Variants in SYT1 observed in about 807,000 individuals in gnomAD.
The protein encoded by SYT1 is synaptotagmin 1.
SYT1 carries 8 observed loss-of-function variants against 44.8 expected under a neutral mutation model. The ratio of observed to expected loss-of-function variants is 0.18; its 90% CI spans 0.10 to 0.32. The LOEUF (loss-of-function observed/expected upper bound fraction) is 0.32. Ranked by LOEUF, SYT1 falls within the 10% of genes least tolerant of loss-of-function variation. SYT1 has a pLI of 1.00. For missense variants in SYT1, 286 were observed against 509.3 expected, an observed-to-expected ratio of 0.56 and a Z score of 4.22; for synonymous variants, 154 against 188.8, an observed-to-expected ratio of 0.82 and a Z score of 1.51.
At chr12:79,442,271 A>G (rs1408428363) in intron 9 of SYT1, among the ~76,000 whole-genome samples, 1 of 152,198 alleles carries the variant, frequency 6.6e-6, no homozygotes, top group African/African-American at 2.4e-5. Flanking sequence ...AACTTTACAA[A>G]ACACACAAGG....
At chr12:79,115,678 A>G (rs886329345) in intron 3 of SYT1, among the ~76,000 whole-genome samples, 2 of 152,202 alleles carry the variant, frequency 1.3e-5, no homozygotes, top group Admixed American at 6.5e-5. Context: ...CACAGCTTTC[A>G]CCACTGATAT....
intron 1 of SYT1, among the ~76,000 whole-genome samples, chr12:78,932,217 G>T (rs571491854): frequency 2.6e-5 from 4 of 152,098 alleles, no homozygotes; most frequent in African/African-American, 7.2e-5. Context: ...GTTTGGTTTT[G>T]TTTAATTAAT....
intron 2 of SYT1, among the ~76,000 whole-genome samples, chr12:78,994,493 T>G (rs1249097995): frequency 6.6e-6 from 1 of 151,438 alleles, no homozygotes; most frequent in Non-Finnish European, 1.5e-5. Context: ...CTCCTTTTTT[T>G]TTTTTTTCTT....
chr12:79,200,575 T>A (rs1174864320), intron 3 of SYT1, among the ~76,000 whole-genome samples: 1 of 152,024 alleles, frequency 6.6e-6, no homozygotes, highest in Non-Finnish European at 1.5e-5. Flanking sequence ...CCCAGAAAAA[T>A]TCCTCCTTTA....
Position 79,031,165 on chromosome 12 carries a change from A to G in SYT1, c.-83-16132A>G, listed in dbSNP as rs570041890. Among the ~76,000 whole-genome samples the G allele has an allele frequency of 4.0e-5, 6 of 151,312 alleles. No individual in the cohort carries two copies. In the South Asian group the frequency reaches 1.2e-3, roughly 31 times the overall value. On this transcript the variant is annotated intron_variant, in intron 2 of 10. Coordinates refer to ENST00000261205, the MANE Select transcript of SYT1 (RefSeq NM_005639.3). Reference sequence around the variant, plus strand: ...TACTAGTTGAAATAATCATCAAAATAGTATTGATTATACTGATATTAACTA... The same window carrying G: ...TACTAGTTGAAATAATCATCAAAATGGTATTGATTATACTGATATTAACTA...
chr12:79,267,947 C>A (rs1878219075), intron 4 of SYT1, among the ~76,000 whole-genome samples: 1 of 152,188 alleles, frequency 6.6e-6, no homozygotes, highest in African/African-American at 2.4e-5. Context: ...TTATTATAGG[C>A]ATTTTATAAA....
intron 4 of SYT1, among the ~76,000 whole-genome samples, chr12:79,223,004 T>A (rs1327900217): frequency 6.6e-6 from 1 of 152,206 alleles, no homozygotes; most frequent in African/African-American, 2.4e-5. Context: ...CTATTAAATG[T>A]CTTATTCTGG....
intron 3 of SYT1, among the ~76,000 whole-genome samples, chr12:79,167,584 G>A (rs1871291149): frequency 6.6e-6 from 1 of 151,962 alleles, no homozygotes; most frequent in African/African-American, 2.4e-5. Context: ...ATGTATTACT[G>A]AAACTTATTA....
At chr12:79,033,418 A>T (rs1462111162) in intron 2 of SYT1, among the ~76,000 whole-genome samples, 1 of 151,436 alleles carries the variant, frequency 6.6e-6, no homozygotes, top group East Asian at 1.9e-4. Context: ...ACATTACTTT[A>T]AAAACATCTT....
At chr12:79,047,071 TA>T (rs1874123118) in intron 2 of SYT1, among the ~76,000 whole-genome samples, 1 of 151,880 alleles carries the variant, frequency 6.6e-6, no homozygotes, top group South Asian at 2.1e-4. Context: ...AATCAGTATA[TA>T]AACTATCCAC....
chr12:79,391,565 T>A (rs1330614355), intron 9 of SYT1, among the ~76,000 whole-genome samples: 3 of 152,208 alleles, frequency 2.0e-5, no homozygotes, highest in Non-Finnish European at 4.4e-5. Context: ...ATTAGGAAGA[T>A]GGCGAAGAGC....
At chr12:79,020,522 TA>T (rs1358875663) in intron 2 of SYT1, among the ~76,000 whole-genome samples, 26 of 152,124 alleles carry the variant, frequency 1.7e-4, no homozygotes, top group East Asian at 3.9e-4. Flanking sequence ...GAAACCAATA[TA>T]AACAACAACA....
intron 1 of SYT1, among the ~76,000 whole-genome samples, chr12:78,947,369 T>A (rs1435047389): frequency 6.6e-6 from 1 of 152,016 alleles, no homozygotes; most frequent in Non-Finnish European, 1.5e-5. Flanking sequence ...TATGTGCGCA[T>A]CGTGACCTAG....
chr12:79,351,227 C>G lies in SYT1; in HGVS notation c.811-2275C>G, dbSNP rs140671758. On this transcript the variant is annotated intron_variant, in intron 8 of 10. Coordinates refer to ENST00000261205, the MANE Select transcript of SYT1 (RefSeq NM_005639.3). Reference sequence around the variant, plus strand: ...CAGATTTCTCCTGCTTCCGAGCATGCTTTTTCAAACTGTACAAATACTCTC... The same window carrying G: ...CAGATTTCTCCTGCTTCCGAGCATGGTTTTTCAAACTGTACAAATACTCTC... Among the ~76,000 whole-genome samples the G allele has an allele frequency of 7.3e-3, 1,109 of 152,232 alleles. 16 individuals are homozygous for G. Among genetic ancestry groups the G allele is most frequent in the South Asian group, 0.053 (255 of 4,816 alleles).
At chr12:79,189,160 G>A (rs1041853397) in intron 3 of SYT1, among the ~76,000 whole-genome samples, 3 of 152,068 alleles carry the variant, frequency 2.0e-5, no homozygotes, top group Non-Finnish European at 4.4e-5. Flanking sequence ...AATGTTATTT[G>A]CCTCCTCTAA....
intron 8 of SYT1, among the ~76,000 whole-genome samples, chr12:79,352,928 T>A (rs914404057): frequency 6.6e-6 from 1 of 152,220 alleles, no homozygotes; most frequent in Admixed American, 6.5e-5. Flanking sequence ...TCACTTAAGA[T>A]GAGTAATACT....
chr12:79,050,624 G>A (rs1874407271), intron 3 of SYT1, among the ~76,000 whole-genome samples: 1 of 151,900 alleles, frequency 6.6e-6, no homozygotes. Flanking sequence ...ATAAAACTGG[G>A]AGTTGATACA....
At chr12:79,088,027 C>T (rs1343032503) in intron 3 of SYT1, among the ~76,000 whole-genome samples, 2 of 152,074 alleles carry the variant, frequency 1.3e-5, no homozygotes, top group Non-Finnish European at 2.9e-5. Context: ...TGCCTACTGC[C>T]TCTCTGTGCC....
At chr12:78,898,209 C>A (rs1237582832) in intron 1 of SYT1, among the ~76,000 whole-genome samples, 1 of 152,030 alleles carries the variant, frequency 6.6e-6, no homozygotes, top group Non-Finnish European at 1.5e-5. Flanking sequence ...AAGACTAGCA[C>A]TGCCTCATAG....
Sources: gnomAD v4.1 joint callset for allele counts (sites outside exome capture counted in the v4.1 genomes callset) on GRCh38, gnomAD v4.1.1 for gene constraint, MANE v1.5 for transcripts, NCBI Gene and HGNC (gene_info 2026-07-23, HGNC 2026-07-21) for gene names.